Variants in UBE2Z observed in about 807,000 individuals in gnomAD.
The protein encoded by UBE2Z is ubiquitin conjugating enzyme E2 Z, also known as ubiquitin-conjugating enzyme E2 Z.
In UBE2Z, 10 loss-of-function variants were observed where a neutral mutation model predicts 32.6. That is an observed-to-expected ratio of 0.31 (90% CI 0.19 to 0.52). The LOEUF (loss-of-function observed/expected upper bound fraction) is 0.52. Among genes scored for constraint, UBE2Z ranks in the 20% least tolerant of loss-of-function variants. The pLI, the probability that UBE2Z is intolerant of heterozygous loss-of-function variation, is 0.97. For synonymous variants in UBE2Z, 183 were observed against 190.8 expected (o/e 0.96, Z 0.34); for missense variants, 343 against 480.9 (o/e 0.71, Z 2.68).
At chr17:48,926,393 C>T (rs1420092942) in intron 6 of UBE2Z, among the ~76,000 whole-genome samples, 2 of 152,004 alleles carry the variant, frequency 1.3e-5, no homozygotes, top group African/African-American at 2.4e-5. Context: ...TCCCTTCTTC[C>T]GGATATTGGT....
At chr17:48,915,869 C>CG (rs1179641740) in intron 3 of UBE2Z, 2 of 325,680 alleles carry the variant, frequency 6.1e-6, no homozygotes, top group Non-Finnish European at 1.1e-5. Context: ...TCTTTTGCCC[C>CG]CCCCCCTTGA....
intron 4 of UBE2Z, 55 bp from the exon 5 acceptor site, chr17:48,921,105 A>G (rs1184741916): frequency 2.1e-6 from 3 of 1,451,860 alleles, no homozygotes. Flanking sequence ...GTCCCTTCCC[A>G]TTGGTTTTCT....
intron 6 of UBE2Z, among the ~76,000 whole-genome samples, chr17:48,923,631 A>AAAGAAAGAATGTCAC (rs1555581084): frequency 2.0e-5 from 3 of 151,680 alleles, no homozygotes; most frequent in Non-Finnish European, 2.9e-5. Flanking sequence ...TCAAAAAAAA[A>AAAGAAAGAATGTCAC]AGCTAAAAGC....
chr17:48,908,604 G>A lies in UBE2Z; in HGVS notation c.101G>A (p.Gly34Asp), dbSNP rs1453950358. 8 of 1,239,504 alleles carry A rather than the reference G, an allele frequency of 6.5e-6. No homozygotes were observed. The highest frequency in any genetic ancestry group is 8.5e-5 in the Admixed American group (2 of 23,552). 76.8% of individuals were successfully genotyped at this position (1,239,504 alleles called of 1,614,324 possible). ...GGTGTTGTTGGCGTTAGCGGCAGCGGCGGCGGGTTCGGGCCGCCTTTCCTG... is the reference window on the plus strand; with the variant it reads ...GGTGTTGTTGGCGTTAGCGGCAGCGACGGCGGGTTCGGGCCGCCTTTCCTG... The part of the protein sequence containing the change: ...VAGVVGVSGS[G>D]GGFGPPFLPD... Residue 34 changes from glycine (G) to aspartate (D), a missense_variant, in exon 1 of 7, where the codon GGC (glycine) becomes GAC (aspartate). Gly to Asp is a moderately conservative substitution (Grantham distance 94). Transcript: ENST00000360943.
chr17:48,908,963 T>C (rs2040651808), intron 1 of UBE2Z, 143 bp downstream of exon 1: 1 of 454,724 alleles, frequency 2.2e-6, no homozygotes, highest in Non-Finnish European at 3.5e-6. Flanking sequence ...TCTTGCCAGC[T>C]CCGGGCGTCG....
In UBE2Z at chr17:48,908,844, C is replaced by T. The variant is rs1372988048; in HGVS notation, c.317+24C>T. ...CGGTGAGCCGGGGTTTTTCCTCCCC[C>T]AGCCCCGAGCTCCGGGGCTCGACCT... On this transcript the variant is annotated intron_variant, in intron 1 of 6. Coordinates refer to ENST00000360943, the MANE Select transcript of UBE2Z (RefSeq NM_023079.5). 3 of 1,468,568 alleles carry T rather than the reference C, an allele frequency of 2.0e-6. No homozygotes were observed. The South Asian group carries it at 3.8e-5, about 19-fold the overall frequency. 91.0% of individuals were successfully genotyped at this position (1,468,568 alleles called of 1,614,324 possible).
chr17:48,921,832 C>G (rs916541838), intron 5 of UBE2Z, among the ~76,000 whole-genome samples: 15 of 151,942 alleles, frequency 9.9e-5, no homozygotes, highest in African/African-American at 3.6e-4. Context: ...AGTTCGAGAC[C>G]AGCCTGGGCA....
intron 3 of UBE2Z, 121 bp downstream of exon 3, chr17:48,913,142 TC>T (rs2040692366): frequency 3.1e-6 from 3 of 977,900 alleles, no homozygotes; most frequent in South Asian, 3.2e-5. Flanking sequence ...GAGTGACTCT[TC>T]TCAAATCTCC....
rs2040645579 is a variant in UBE2Z at position 48,908,471 on chromosome 17, G to T, written c.-33G>T. 8.1e-7 allele frequency: 1 copy of T among 1,229,130 alleles called. No homozygotes were observed. Among genetic ancestry groups the T allele is most frequent in the Non-Finnish European group, 1.0e-6 (1 of 985,676 alleles). The allele number at this position is 1,229,130 out of a possible 1,614,324, so 76.1% of individuals were successfully genotyped here. On this transcript the variant is annotated 5_prime_UTR_variant, in exon 1 of 7. Transcript: ENST00000360943. The stretch of plus-strand genomic sequence containing the variant: ...GCAGCGGCCGCTCTGGTCGGCGGAC[G>T]TGCTGCCGAGTAGTCCCGGAAGCGA...
chr17:48,912,894 G>A lies in UBE2Z; in HGVS notation c.451G>A (p.Val151Met). 3 of 1,613,820 alleles carry A rather than the reference G, an allele frequency of 1.9e-6. No homozygotes were observed. Among genetic ancestry groups the A allele is most frequent in the South Asian group, 1.1e-5 (1 of 91,056 alleles). The change falls in exon 3 of 7, where the codon GTG becomes ATG. Residue 151 changes from valine to methionine, a missense_variant. Val to Met is a conservative substitution (Grantham distance 21). This residue lies in a region of UBE2Z where 182 missense variants were observed against 312.4 expected (regional missense o/e 0.58). Coordinates refer to ENST00000360943, the MANE Select transcript of UBE2Z (RefSeq NM_023079.5). The stretch of plus-strand genomic sequence containing the variant: ...TTATGAAGGGGGTTTCTTCCTGTTC[G>A]TGTTTCGGTGTCCGCCCGACTATCC... ...TPYEGGFFLF[V>M]FRCPPDYPIH...
intron 6 of UBE2Z, among the ~76,000 whole-genome samples, chr17:48,924,313 A>G (rs1284630320): frequency 6.6e-6 from 1 of 152,200 alleles, no homozygotes; most frequent in African/African-American, 2.4e-5. Context: ...CAGCCCTCCC[A>G]GAATCTTAGG....
chr17:48,914,095 A>G (rs921277084), intron 3 of UBE2Z, among the ~76,000 whole-genome samples: 2 of 152,286 alleles, frequency 1.3e-5, no homozygotes, highest in East Asian at 3.9e-4. Flanking sequence ...TAGATATGAA[A>G]TGAGTTTCTA....
chr17:48,912,788 G>A (rs1457020363), intron 2 of UBE2Z, 46 bp from the exon 3 acceptor site: 1 of 1,605,234 alleles, frequency 6.2e-7, no homozygotes, highest in Non-Finnish European at 8.5e-7. Context: ...GAGGGCTTGG[G>A]GTGGGTCATC....
intron 1 of UBE2Z, 138 bp downstream of exon 1, chr17:48,908,958 CCA>C: frequency 1.9e-6 from 1 of 537,198 alleles, no homozygotes; most frequent in Non-Finnish European, 2.9e-6. Flanking sequence ...CCAAATCTTG[CCA>C]GCTCCGGGCG....
At chr17:48,925,627 C>T (rs1440645546) in intron 6 of UBE2Z, among the ~76,000 whole-genome samples, 1 of 152,114 alleles carries the variant, frequency 6.6e-6, no homozygotes, top group African/African-American at 2.4e-5. Flanking sequence ...TTAGCAATAT[C>T]AGTGTGTAAA....
rs1291423283 is a variant in UBE2Z, at chr17:48,912,806, A to G, written c.391-28A>G. The G allele has an allele frequency of 3.1e-6, 5 of 1,611,614 alleles. No homozygotes were observed. In the African/African-American group the frequency reaches 5.3e-5, roughly 17 times the overall value. On this transcript the variant is annotated intron_variant, in intron 2 of 6. Coordinates refer to ENST00000360943, the MANE Select transcript of UBE2Z (RefSeq NM_023079.5). ...GGCTTGGGGTGGGTCATCACCTCAC[A>G]ATTTTGAGATGGGGTTTTATTTTGC...
At position 48,927,293 on chromosome 17, in the gene UBE2Z, G is replaced by T. The variant is rs2040804733; in HGVS notation, c.*159G>T. ...AGCTCCGATCCCAGGGTGTGGGAGTGGGGGCCTGTTCCCGGTCTGACCTCC... is the reference window on the plus strand; with the variant it reads ...AGCTCCGATCCCAGGGTGTGGGAGTTGGGGCCTGTTCCCGGTCTGACCTCC... On this transcript the variant is annotated 3_prime_UTR_variant, in exon 7 of 7. Coordinates refer to ENST00000360943, the MANE Select transcript of UBE2Z (RefSeq NM_023079.5). The T allele has an allele frequency of 7.8e-6, 6 of 768,858 alleles. No individual in the cohort carries two copies. The Admixed American group carries it at 8.4e-5, about 11-fold the overall frequency. The allele number at this position is 768,858 out of a possible 1,614,324, so 47.6% of individuals were successfully genotyped here. A position where few individuals can be genotyped will look rare whatever the true frequency, so the allele number is the denominator to read the frequency against.
chr17:48,908,713 C>T lies in UBE2Z; in HGVS notation c.210C>T (p.Pro70=), dbSNP rs1307798140. Residue 70 remains proline (P), a synonymous_variant, in exon 1 of 7, where the codon CCC becomes CCT. Coordinates refer to ENST00000360943, the MANE Select transcript of UBE2Z (RefSeq NM_023079.5). ...SGLAPLPGLP[P]SAAAHGAALL... is the part of the protein sequence containing the mutation. ...TGGCTCCGCTGCCCGGGCTCCCGCC[C>T]TCAGCCGCTGCCCACGGGGCCGCGC... The T allele has an allele frequency of 3.6e-5, 49 of 1,378,534 alleles. No individual in the cohort carries two copies. The highest frequency in any genetic ancestry group is 1.5e-5 in the African/African-American group (1 of 66,222). The allele number at this position is 1,378,534 out of a possible 1,614,324, so 85.4% of individuals were successfully genotyped here.
In UBE2Z at chr17:48,922,957, T is replaced by C. The variant is rs745852255; in HGVS notation, c.894+20T>C. 1 of 1,597,908 alleles carries C rather than the reference T, an allele frequency of 6.3e-7. No individual in the cohort carries two copies. The highest frequency in any genetic ancestry group is 1.1e-5 in the South Asian group (1 of 89,236). ...ATGCAGGTAATACAACCCCTGCTGCTAATTGCAGAAGCCCTACAGCTGGCC... is the reference window on the plus strand; with the variant it reads ...ATGCAGGTAATACAACCCCTGCTGCCAATTGCAGAAGCCCTACAGCTGGCC... On this transcript the variant is annotated intron_variant, in intron 6 of 6. Coordinates refer to ENST00000360943, the MANE Select transcript of UBE2Z (RefSeq NM_023079.5).
Sources: gnomAD v4.1 joint callset for allele counts (sites outside exome capture counted in the v4.1 genomes callset) on GRCh38, gnomAD v4.1.1 for gene constraint, gnomAD v4.1.1 regional missense constraint, MANE v1.5 for transcripts, NCBI Gene and HGNC (gene_info 2026-07-23, HGNC 2026-07-21) for gene names.